SLC14A2: variants seen among roughly 807,000 people sequenced by gnomAD.
SLC14A2 encodes urea transporter 2.
SLC14A2 carries 91 observed loss-of-function variants against 104.6 expected under a neutral mutation model. The observed-to-expected ratio is 0.87, with a 90% CI of 0.73 to 1.04. The LOEUF (loss-of-function observed/expected upper bound fraction) is 1.04. Among genes scored for constraint, SLC14A2 ranks in the 50% least tolerant of loss-of-function variants. SLC14A2 has a pLI of 0.00. For missense variants in SLC14A2, 1,189 were observed against 1,156.0 expected (o/e 1.03, Z -0.41); for synonymous variants, 476 against 466.4 (o/e 1.02, Z -0.27).
At chr18:45,178,362 GATGAA>G in the SLC14A2 span, among the ~76,000 whole-genome samples, 1 of 151,984 alleles carries the variant, frequency 6.6e-6, no homozygotes, top group Non-Finnish European at 1.5e-5. Flanking sequence ...AACATAAGTA[GATGAA>G]ATGAGAGATG....
In SLC14A2 at chr18:45,451,599, TA is replaced by T. The variant is rs1204680165; in HGVS notation, c.-124-31628del. Among the ~76,000 whole-genome samples, 3 of 152,104 alleles carry T rather than the reference TA, an allele frequency of 2.0e-5. No homozygotes were observed. In the East Asian group the frequency reaches 5.8e-4, roughly 29 times the overall value. On this transcript the variant is annotated intron_variant, in intron 1 of 20. Coordinates refer to the SLC14A2 transcript ENST00000586448. ...ATATAAAAGCCCAACTTAAAATAAA[TA>T]AAAAATAATTAAATTGAGGCTAATA...
intron 1 of SLC14A2, among the ~76,000 whole-genome samples, chr18:45,295,818 A>G (rs2084913116): frequency 6.6e-6 from 1 of 152,178 alleles, no homozygotes; most frequent in Non-Finnish European, 1.5e-5. Flanking sequence ...TCTTTTATCA[A>G]AGAAACACAT....
At chr18:45,348,428 C>T (rs1171186539) in intron 1 of SLC14A2, among the ~76,000 whole-genome samples, 1 of 152,182 alleles carries the variant, frequency 6.6e-6, no homozygotes, top group Non-Finnish European at 1.5e-5. Flanking sequence ...TCCCCTAATT[C>T]CTCTGCTACT....
At chr18:45,396,108 G>T (rs968902142) in intron 1 of SLC14A2, among the ~76,000 whole-genome samples, 1 of 152,110 alleles carries the variant, frequency 6.6e-6, no homozygotes, top group Non-Finnish European at 1.5e-5. Context: ...TTAACTTCTA[G>T]CAAATCAGTT....
intron 2 of SLC14A2, among the ~76,000 whole-genome samples, chr18:45,518,730 G>A (rs942926669): frequency 2.6e-5 from 4 of 152,128 alleles, no homozygotes; most frequent in African/African-American, 9.7e-5. Flanking sequence ...GGATAATCTA[G>A]GTGACTAAAA....
chr18:45,468,054 C>T (rs1435453544), intron 1 of SLC14A2, among the ~76,000 whole-genome samples: 6 of 152,152 alleles, frequency 3.9e-5, no homozygotes, highest in Non-Finnish European at 8.8e-5. Context: ...CCCCACCTCC[C>T]AGCAGGATCA....
At chr18:45,408,896 C>T (rs111412448) in intron 1 of SLC14A2, among the ~76,000 whole-genome samples, 5,375 of 152,164 alleles carry the variant, frequency 0.035, 319 homozygotes, top group African/African-American at 0.12. Flanking sequence ...CCTCTCTGGG[C>T]CTTGAATTTC....
intron 1 of SLC14A2, among the ~76,000 whole-genome samples, chr18:45,311,398 G>A (rs1377940118): frequency 6.6e-6 from 1 of 152,160 alleles, no homozygotes; most frequent in African/African-American, 2.4e-5. Context: ...CACTTATAGA[G>A]GAGGGAACTG....
chr18:45,261,227 T>C (rs142317338), intron 1 of SLC14A2, among the ~76,000 whole-genome samples: 2,890 of 151,684 alleles, frequency 0.019, 147 homozygotes, highest in East Asian at 0.18. Context: ...TGTGTTCTCA[T>C]TGTTCAATTC....
chr18:45,197,390 A>G, the SLC14A2 span, among the ~76,000 whole-genome samples: 1 of 152,094 alleles, frequency 6.6e-6, no homozygotes, highest in Non-Finnish European at 1.5e-5. Flanking sequence ...GTGACCCAGT[A>G]AGAGAAGTGA....
chr18:45,391,561 A>G (rs1291053610), intron 1 of SLC14A2, among the ~76,000 whole-genome samples: 3 of 152,150 alleles, frequency 2.0e-5, no homozygotes, highest in South Asian at 2.1e-4. Context: ...AAGTGTTCCT[A>G]TTTCTCCACA....
intron 1 of SLC14A2, among the ~76,000 whole-genome samples, chr18:45,420,380 G>A (rs2086330282): frequency 6.6e-6 from 1 of 152,210 alleles, no homozygotes; most frequent in African/African-American, 2.4e-5. Flanking sequence ...TTCAATGAGA[G>A]TGAGAATTAT....
chr18:45,577,099 C>T (rs935903840), intron 2 of SLC14A2, among the ~76,000 whole-genome samples: 1 of 151,654 alleles, frequency 6.6e-6, no homozygotes, highest in Non-Finnish European at 1.5e-5. Flanking sequence ...GGGGCACAGG[C>T]TCTGGTTATT....
chr18:45,325,098 T>C (rs2085221759), intron 1 of SLC14A2, among the ~76,000 whole-genome samples: 1 of 152,190 alleles, frequency 6.6e-6, no homozygotes, highest in Admixed American at 6.5e-5. Flanking sequence ...GAAAGGAAAC[T>C]GTCAGCCTCC....
the SLC14A2 span, among the ~76,000 whole-genome samples, chr18:45,170,153 C>T: frequency 6.6e-6 from 1 of 152,116 alleles, no homozygotes; most frequent in East Asian, 1.9e-4. Context: ...GGTCACTCTG[C>T]TCCCGAGCAT....
chr18:45,619,939 C>T (rs894347460), intron 1 of SLC14A2, among the ~76,000 whole-genome samples: 2 of 152,202 alleles, frequency 1.3e-5, no homozygotes, highest in African/African-American at 2.4e-5. Context: ...CGTTGCCCTT[C>T]GGAGACATGG....
chr18:45,299,077 T>C (rs991534867), intron 1 of SLC14A2, among the ~76,000 whole-genome samples: 2 of 152,150 alleles, frequency 1.3e-5, no homozygotes, highest in Non-Finnish European at 2.9e-5. Context: ...ACATTAGGAA[T>C]TCGGTAAGAA....
At chr18:45,543,679 T>C (rs2043923824) in intron 2 of SLC14A2, among the ~76,000 whole-genome samples, 1 of 152,118 alleles carries the variant, frequency 6.6e-6, no homozygotes, top group Non-Finnish European at 1.5e-5. Flanking sequence ...CAGCTCAAAC[T>C]CACCTCTCCC....
chr18:45,338,696 A>AACAAAAAC (rs1555677062), intron 1 of SLC14A2, among the ~76,000 whole-genome samples: 3 of 116,326 alleles, frequency 2.6e-5, no homozygotes, highest in Admixed American at 8.4e-5. Context: ...AAAAAAAAAA[A>AACAAAAAC]AAAAAAAAAA....
Sources: allele counts gnomAD v4.1 joint callset (sites outside exome capture counted in the v4.1 genomes callset), GRCh38; gene constraint gnomAD v4.1.1; transcripts MANE v1.5; gene names NCBI Gene and HGNC (gene_info 2026-07-23, HGNC 2026-07-21).